Variants in STING1 observed in about 807,000 individuals in gnomAD.
The protein encoded by STING1 is stimulator of interferon response cGAMP interactor 1.
STING1 carries 19 observed loss-of-function variants against 31.6 expected under a neutral mutation model. That is an observed-to-expected ratio of 0.60 (90% CI 0.42 to 0.88). The LOEUF (loss-of-function observed/expected upper bound fraction) is 0.88, where lower values mean the gene tolerates loss of function less well. Ranked by LOEUF, STING1 falls within the 40% of genes least tolerant of loss-of-function variation. The probability of loss-of-function intolerance (pLI) is 0.00; values close to 1 mark genes in which losing one functional copy is unlikely to be tolerated. For missense variants in STING1, 371 were observed against 483.7 expected, an observed-to-expected ratio of 0.77 and a Z score of 2.19; for synonymous variants, 200 against 208.6, an observed-to-expected ratio of 0.96 and a Z score of 0.35.
At chr5:139,478,245 G>T in intron 6 of STING1, 25 bp downstream of exon 6, 1 of 1,576,102 alleles carries the variant, frequency 6.3e-7, no homozygotes, top group South Asian at 1.1e-5. Flanking sequence ...CCTCCTCAGA[G>T]ACCCCCACTC....
chr5:139,476,091 A>G lies in STING1; in HGVS notation c.*170T>C. 3.5e-6 allele frequency: 2 copies of G among 577,820 alleles called. 1 individual carries two copies. Among genetic ancestry groups the G allele is most frequent in the Non-Finnish European group, 6.2e-6 (2 of 323,284 alleles). The allele number at this position is 577,820 out of a possible 1,614,324, so 35.8% of individuals were successfully genotyped here. ...AGACACCGAGGCTCAGAGAGGGGAA[A>G]TGACTGGCCCAAGGGGACAAGACGC... is the stretch of plus-strand genomic sequence containing the variant. On this transcript the variant is annotated 3_prime_UTR_variant, in exon 8 of 8. Transcript: ENST00000330794.
rs1011753740 is a variant in STING1 at position 139,478,255 on chromosome 5, C to A, written c.759+15G>T. The A allele has an allele frequency of 1.9e-6, 3 of 1,599,902 alleles. No homozygotes were observed. The highest frequency in any genetic ancestry group is 1.1e-5 in the South Asian group (1 of 90,198). On this transcript the variant is annotated intron_variant, in intron 6 of 7. Transcript: ENST00000330794. ...TGACCCCTCCTCAGAGACCCCCACTCCCCTGCACACTTACCCGCTGCCCGT... is the reference window on the plus strand; with the variant it reads ...TGACCCCTCCTCAGAGACCCCCACTACCCTGCACACTTACCCGCTGCCCGT...
chr5:139,477,302 CA>C, intron 7 of STING1, 26 bp downstream of exon 7: 1 of 1,608,798 alleles, frequency 6.2e-7, no homozygotes, highest in East Asian at 2.2e-5. Flanking sequence ...TCCAGCCTAT[CA>C]ACCCCTCACC....
In STING1 at chr5:139,478,839, C is replaced by T. The variant is rs867313770; in HGVS notation, c.521-331G>A. 38 of 296,422 alleles carry T rather than the reference C, an allele frequency of 1.3e-4. No individual in the cohort carries two copies. In the South Asian group the frequency reaches 1.5e-3, roughly 12 times the overall value. 18.4% of individuals were successfully genotyped at this position (296,422 alleles called of 1,614,324 possible). ...GCATTCTCGTGTGCACAGAGGGAGG[C>T]CTCTAGCCCCAGATCAGTCTCCTAG... On this transcript the variant is annotated intron_variant, in intron 5 of 7. Transcript: ENST00000330794.
In STING1 at chr5:139,481,684, A is replaced by T; in HGVS notation, c.21T>A (p.His7Gln). 6.2e-7 allele frequency: 1 copy of T among 1,605,938 alleles called. No homozygotes were observed. Among genetic ancestry groups the T allele is most frequent in the Non-Finnish European group, 8.5e-7 (1 of 1,174,086 alleles). Residue 7 changes from histidine (H) to glutamine (Q), a missense_variant, in exon 3 of 8, where the codon CAT (histidine) becomes CAA (glutamine). Physicochemically the swap from His to Gln is conservative, Grantham distance 24 (BLOSUM62 0). Coordinates refer to ENST00000330794, the MANE Select transcript of STING1 (RefSeq NM_198282.4). This position sits in a 1 kb window ranked among gnomAD's most constrained non-coding sequence, Gnocchi z 4.1. MPHSSL[H>Q]PSIPCPRGHG... Reference sequence around the variant, plus strand: ...GACCCCTGGGACACGGGATGGATGGATGCAGGCTGGAGTGGGGCATCTGTG... The same window carrying T: ...GACCCCTGGGACACGGGATGGATGGTTGCAGGCTGGAGTGGGGCATCTGTG...
Position 139,478,285 on chromosome 5 carries a change from C to T in STING1, c.744G>A (p.Leu248=). ...GCACACTTACCCGCTGCCCGTTCTC[C>T]AGAAGCTCATAGATGCTGTTGCTGT... is the stretch of plus-strand genomic sequence containing the variant. The part of the protein sequence containing the change: ...RVYSNSIYEL[L]ENGQRAGTCV... The change falls in exon 6 of 8, where the codon CTG becomes CTA. Residue 248 remains leucine, a synonymous_variant. Transcript: ENST00000330794. The T allele has an allele frequency of 6.2e-7, 1 of 1,613,532 alleles. No homozygotes were observed. The highest frequency in any genetic ancestry group is 8.5e-7 in the Non-Finnish European group (1 of 1,179,604).
At position 139,481,338 on chromosome 5, in the gene STING1, G is replaced by A. The variant is rs775712223; in HGVS notation, c.232C>T (p.Arg78Trp). The A allele has an allele frequency of 2.8e-5, 45 of 1,590,048 alleles. No homozygotes were observed. Among genetic ancestry groups the A allele is most frequent in the Non-Finnish European group, 3.5e-5 (41 of 1,167,270 alleles). ...EELRHIHSRY[R>W]GSYWRTVRAC... ...CGCACAGTCCTCCAGTAGCTGCCCCGGTACCTGTGAGTGACAGCCAGACCC... is the reference window on the plus strand; with the variant it reads ...CGCACAGTCCTCCAGTAGCTGCCCCAGTACCTGTGAGTGACAGCCAGACCC... The change falls in exon 4 of 8, where the codon CGG becomes TGG. Residue 78 changes from arginine (R) to tryptophan (W), a missense_variant. Physicochemically the swap from Arg to Trp is moderately radical, Grantham distance 101 (BLOSUM62 -3). Transcript: ENST00000330794. This position sits in a 1 kb window ranked among gnomAD's most constrained non-coding sequence, Gnocchi z 4.1.
chr5:139,477,503 C>T lies in STING1; in HGVS notation c.772G>A (p.Val258Ile). Residue 258 changes from valine to isoleucine, a missense_variant, in exon 7 of 8, where the codon GTC (valine) becomes ATC (isoleucine). Val to Ile is a conservative substitution (Grantham distance 29). Coordinates refer to ENST00000330794, the MANE Select transcript of STING1 (RefSeq NM_198282.4). Reference sequence around the variant, plus strand: ...TGCAAGGGGGTGGCGTACTCCAGGACACAGGTGCCCGCCTAGAGGAGGTAA... The same window carrying T: ...TGCAAGGGGGTGGCGTACTCCAGGATACAGGTGCCCGCCTAGAGGAGGTAA... Reference protein sequence around the residue: ...LENGQRAGTCVLEYATPLQTL... With the variant: ...LENGQRAGTCILEYATPLQTL... 1 of 1,613,790 alleles carries T rather than the reference C, an allele frequency of 6.2e-7. No individual in the cohort carries two copies. Among genetic ancestry groups the T allele is most frequent in the South Asian group, 1.1e-5 (1 of 91,062 alleles).
At position 139,475,886 on chromosome 5, in the gene STING1, C is replaced by T. The variant is rs568319513; in HGVS notation, c.*375G>A. On this transcript the variant is annotated 3_prime_UTR_variant, in exon 8 of 8. Transcript: ENST00000330794. ...TGATACCATTGAGAGAGTTCGGCGT[C>T]CCCGGGCAAAGGAAGGGGAGAAGGG... 209 of 168,890 alleles carry T rather than the reference C, an allele frequency of 1.2e-3. 1 individual carries two copies. The highest frequency in any genetic ancestry group is 5.8e-3 in the Middle Eastern group (2 of 342). The allele number at this position is 168,890 out of a possible 1,614,324, so 10.5% of individuals were successfully genotyped here.
rs1751889996 is a variant in STING1 at position 139,482,532 on chromosome 5, G to A, written c.-94+18C>T. Reference sequence around the variant, plus strand: ...GCCCTTTGCTACCCCCAAACCAAGGGTGTTTAGAAACACTCACCGCAGTCA... The same window carrying A: ...GCCCTTTGCTACCCCCAAACCAAGGATGTTTAGAAACACTCACCGCAGTCA... On this transcript the variant is annotated intron_variant, in intron 1 of 7. Coordinates refer to ENST00000330794, the MANE Select transcript of STING1 (RefSeq NM_198282.4). 1 of 152,154 alleles carries A rather than the reference G, an allele frequency of 6.6e-6. No homozygotes were observed. Among genetic ancestry groups the A allele is most frequent in the South Asian group, 2.1e-4 (1 of 4,818 alleles). The allele number at this position is 152,154 out of a possible 1,614,324, so 9.4% of individuals were successfully genotyped here.
Position 139,476,068 on chromosome 5 carries a change from A to G in STING1, c.*193T>C, listed in dbSNP as rs568981696. ...TATGATCCCATTTCACAGGTTGAAG[A>G]CACCGAGGCTCAGAGAGGGGAAATG... On this transcript the variant is annotated 3_prime_UTR_variant, in exon 8 of 8. Coordinates refer to ENST00000330794, the MANE Select transcript of STING1 (RefSeq NM_198282.4). 3 of 555,690 alleles carry G rather than the reference A, an allele frequency of 5.4e-6. No homozygotes were observed. The East Asian group carries it at 8.5e-5, about 16-fold the overall frequency. 34.4% of individuals were successfully genotyped at this position (555,690 alleles called of 1,614,324 possible).
In STING1 at chr5:139,481,759, G is replaced by A; in HGVS notation, c.1-55C>T. ...CTCCCCTTGCCCTCCTGCCCTTCTG[G>A]GACTGAGGCTCTGGCTGGGCACTTC... is the stretch of plus-strand genomic sequence containing the variant. On this transcript the variant is annotated intron_variant, in intron 2 of 7. Transcript: ENST00000330794. This position sits in a 1 kb window ranked among gnomAD's most constrained non-coding sequence, Gnocchi z 4.1. 1.4e-6 allele frequency: 2 copies of A among 1,441,278 alleles called. No homozygotes were observed. Among genetic ancestry groups the A allele is most frequent in the Non-Finnish European group, 1.9e-6 (2 of 1,052,178 alleles). 89.3% of individuals were successfully genotyped at this position (1,441,278 alleles called of 1,614,324 possible). A position where few individuals can be genotyped will look rare whatever the true frequency, so the allele number is the denominator to read the frequency against.
rs983991414 is a variant in STING1, at chr5:139,475,587, A to G, written c.*674T>C. 7 of 152,232 alleles carry G rather than the reference A, an allele frequency of 4.6e-5. No homozygotes were observed. Among genetic ancestry groups the G allele is most frequent in the Non-Finnish European group, 8.8e-5 (6 of 68,074 alleles). 9.4% of individuals were successfully genotyped at this position (152,232 alleles called of 1,614,324 possible). ...GTTGAGAAAGGGGTGGAGTATAAGGAAACCGCAAGTGAGAGGGAGTACTCT... is the reference window on the plus strand; with the variant it reads ...GTTGAGAAAGGGGTGGAGTATAAGGGAACCGCAAGTGAGAGGGAGTACTCT... On this transcript the variant is annotated 3_prime_UTR_variant, in exon 8 of 8. Transcript: ENST00000330794.
intron 5 of STING1, 99 bp from the exon 6 acceptor site, chr5:139,478,607 C>A: frequency 2.8e-6 from 3 of 1,058,452 alleles, no homozygotes; most frequent in Non-Finnish European, 4.3e-6. Context: ...TGTGTGGGTG[C>A]CAGAGAATGG....
intron 4 of STING1, 50 bp from the exon 5 acceptor site, chr5:139,480,948 G>GAACTCC: frequency 6.9e-7 from 1 of 1,438,906 alleles, no homozygotes; most frequent in Non-Finnish European, 9.7e-7. Context: ...GACACCCAGA[G>GAACTCC]AACTCCTCCT....
intron 6 of STING1, 22 bp downstream of exon 6, chr5:139,478,248 C>T: frequency 6.3e-7 from 1 of 1,585,896 alleles, no homozygotes; most frequent in Non-Finnish European, 8.6e-7. Context: ...CCTCAGAGAC[C>T]CCCACTCCCC....
rs1164911542 is a variant in STING1 at position 139,476,241 on chromosome 5, T to C, written c.*20A>G. On this transcript the variant is annotated 3_prime_UTR_variant, in exon 8 of 8. Coordinates refer to ENST00000330794, the MANE Select transcript of STING1 (RefSeq NM_198282.4). ...GAGGCTTGGAGACCACTGGAGGCTC[T>C]GGCCTGGTGACCCTGGGTCTCAAGA... The C allele has an allele frequency of 1.1e-5, 17 of 1,553,622 alleles. No homozygotes were observed. The highest frequency in any genetic ancestry group is 1.5e-5 in the Non-Finnish European group (17 of 1,148,306).
At chr5:139,480,685 G>T in intron 5 of STING1, 105 bp downstream of exon 5, 1 of 716,876 alleles carries the variant, frequency 1.4e-6, no homozygotes, top group Non-Finnish European at 2.4e-6. Flanking sequence ...ACATGAAAAT[G>T]CTTTGAAAAA....
Position 139,481,294 on chromosome 5 carries a change from G to A in STING1, c.276C>T (p.Pro92=), listed in dbSNP as rs544170120. 4.7e-5 allele frequency: 76 copies of A among 1,612,180 alleles called. No homozygotes were observed. In the East Asian group the frequency reaches 1.6e-3, roughly 35 times the overall value. ...GCAGCAACAGGGCCCCACGGCGGAG[G>A]GGGCAGCCCAGGCAGGCCCGCACAG... ...WRTVRACLGC[P]LRRGALLLLS... is the part of the protein sequence containing the mutation. Residue 92 remains proline (P), a synonymous_variant, in exon 4 of 8, where the codon CCC becomes CCT. Coordinates refer to ENST00000330794, the MANE Select transcript of STING1 (RefSeq NM_198282.4). The surrounding 1 kb of genome is among the most constrained non-coding windows in gnomAD (Gnocchi z 4.1).
Sources: allele counts gnomAD v4.1 joint callset, GRCh38; gene constraint gnomAD v4.1.1; non-coding constraint Gnocchi (gnomAD v3.1); transcripts MANE v1.5; gene names NCBI Gene and HGNC (gene_info 2026-07-23, HGNC 2026-07-21).